NAV3: variants seen among roughly 807,000 people sequenced by gnomAD.
The protein encoded by NAV3 is pore membrane and/or filament interacting like protein 1.
A neutral mutation model predicts 244.7 loss-of-function variants in NAV3; 87 were observed. That is an observed-to-expected ratio of 0.36 (90% CI 0.30 to 0.42). NAV3 has a LOEUF of 0.42. NAV3 is among the 20% of genes least tolerant of loss of function. The pLI, the probability that NAV3 is intolerant of heterozygous loss-of-function variation, is 1.00. For missense variants in NAV3, 2,663 were observed against 2,893.3 expected (o/e 0.92, Z 1.83); for synonymous variants, 1,126 against 1,042.2 (o/e 1.08, Z -1.55).
At chr12:77,966,376 T>C (rs1892515163) in intron 4 of NAV3, 75 bp downstream of exon 4, 2 of 1,279,326 alleles carry the variant, frequency 1.6e-6, no homozygotes, top group Non-Finnish European at 1.1e-6. Flanking sequence ...GTAAGAAATG[T>C]AACATTGGAG....
chr12:77,594,956 T>C (rs1339122100), intron 2 of NAV3, among the ~76,000 whole-genome samples: 1 of 152,176 alleles, frequency 6.6e-6, no homozygotes, highest in African/African-American at 2.4e-5. Flanking sequence ...ACATTGTTGG[T>C]GCGCATATAA....
intron 2 of NAV3, among the ~76,000 whole-genome samples, chr12:77,676,824 C>T (rs1215796240): frequency 1.3e-5 from 2 of 151,928 alleles, no homozygotes; most frequent in Non-Finnish European, 2.9e-5. Context: ...GAAAAGGCCC[C>T]CTCCCCTCCA....
intron 11 of NAV3, among the ~76,000 whole-genome samples, chr12:78,057,182 A>C (rs1464552312): frequency 6.6e-6 from 1 of 152,220 alleles, no homozygotes; most frequent in Non-Finnish European, 1.5e-5. Context: ...GATAAAAGTT[A>C]CATATTTTAA....
chr12:77,959,760 G>C (rs989591462), intron 3 of NAV3, among the ~76,000 whole-genome samples: 1 of 150,986 alleles, frequency 6.6e-6, no homozygotes, highest in African/African-American at 2.4e-5. Context: ...ATGGACTATT[G>C]ATTTTTCTAA....
chr12:78,064,162 G>C (rs1275358030), intron 12 of NAV3, among the ~76,000 whole-genome samples: 1 of 152,032 alleles, frequency 6.6e-6, no homozygotes, highest in East Asian at 1.9e-4. Context: ...AGAGGAACTT[G>C]GGTTTTGTCT....
intron 2 of NAV3, among the ~76,000 whole-genome samples, chr12:77,653,311 T>G (rs1872914988): frequency 6.6e-6 from 1 of 152,206 alleles, no homozygotes; most frequent in Admixed American, 6.5e-5. Context: ...TAATTGAGTA[T>G]TTGTTGACTG....
chr12:77,700,035 T>G (rs1875493002), intron 2 of NAV3, among the ~76,000 whole-genome samples: 1 of 152,146 alleles, frequency 6.6e-6, no homozygotes, highest in Admixed American at 6.6e-5. Context: ...AACTGCCACA[T>G]TACTTGGATA....
At chr12:78,164,722 A>G (rs928956999) in intron 23 of NAV3, among the ~76,000 whole-genome samples, 1 of 152,066 alleles carries the variant, frequency 6.6e-6, no homozygotes, top group Admixed American at 6.6e-5. Context: ...CTTCAGATGC[A>G]TGGTGGAGTG....
intron 5 of NAV3, among the ~76,000 whole-genome samples, chr12:77,970,071 C>T (rs1892869809): frequency 6.6e-6 from 1 of 152,116 alleles, no homozygotes; most frequent in African/African-American, 2.4e-5. Context: ...AACTTTCATA[C>T]AAGCTACTAT....
At chr12:77,669,353 A>G (rs986809183) in intron 2 of NAV3, among the ~76,000 whole-genome samples, 3 of 152,164 alleles carry the variant, frequency 2.0e-5, no homozygotes, top group Non-Finnish European at 4.4e-5. Flanking sequence ...TCACATCTCC[A>G]TACTAACATT....
At chr12:78,189,742 G>T (rs1286959297) in intron 33 of NAV3, among the ~76,000 whole-genome samples, 1 of 151,790 alleles carries the variant, frequency 6.6e-6, no homozygotes, top group African/African-American at 2.4e-5. Context: ...AGTAGACAGT[G>T]GAGTGAAGCC....
chr12:78,028,411 T>C (rs1325703335), intron 9 of NAV3, among the ~76,000 whole-genome samples: 1 of 152,172 alleles, frequency 6.6e-6, no homozygotes, highest in Non-Finnish European at 1.5e-5. Flanking sequence ...TTTTCCAAGA[T>C]CATTGCCGAT....
chr12:78,078,580 A>G (rs1326351418), intron 12 of NAV3, among the ~76,000 whole-genome samples: 2 of 151,236 alleles, frequency 1.3e-5, no homozygotes, highest in Non-Finnish European at 2.9e-5. Flanking sequence ...TATTTTTAGT[A>G]GAGACGGGGT....
At chr12:77,945,836 C>T (rs1038651732) in intron 3 of NAV3, among the ~76,000 whole-genome samples, 2 of 151,860 alleles carry the variant, frequency 1.3e-5, no homozygotes, top group African/African-American at 4.8e-5. Flanking sequence ...CAACCTCCAC[C>T]TCCCGAGTTC....
At chr12:77,626,103 A>C (rs1002152748) in intron 2 of NAV3, among the ~76,000 whole-genome samples, 3 of 152,208 alleles carry the variant, frequency 2.0e-5, no homozygotes, top group Non-Finnish European at 4.4e-5. Context: ...AGATATCATA[A>C]AAAGAAGCAA....
chr12:78,125,144 T>C (rs1260126145), intron 16 of NAV3, among the ~76,000 whole-genome samples: 2 of 152,190 alleles, frequency 1.3e-5, no homozygotes, highest in East Asian at 3.8e-4. Flanking sequence ...GGTTAATTAA[T>C]TGATCAGTAG....
intron 2 of NAV3, among the ~76,000 whole-genome samples, chr12:77,659,126 A>C (rs1406739779): frequency 6.6e-6 from 1 of 151,776 alleles, no homozygotes; most frequent in Non-Finnish European, 1.5e-5. Flanking sequence ...AATTAAACTA[A>C]AGAGCTTCTG....
chr12:78,177,940 G>A (rs1281220564), intron 28 of NAV3, among the ~76,000 whole-genome samples: 2 of 151,644 alleles, frequency 1.3e-5, no homozygotes, highest in African/African-American at 2.4e-5. Flanking sequence ...TTATCCACCA[G>A]GGGTACTTTC....
intron 1 of NAV3, among the ~76,000 whole-genome samples, chr12:77,842,559 G>A (rs1875862476): frequency 6.6e-6 from 1 of 150,400 alleles, no homozygotes; most frequent in Non-Finnish European, 1.5e-5. Context: ...GGCATTGGCG[G>A]GATACTAGAT....
Sources: gnomAD v4.1 joint callset for allele counts (sites outside exome capture counted in the v4.1 genomes callset) on GRCh38, gnomAD v4.1.1 for gene constraint, MANE v1.5 for transcripts, NCBI Gene and HGNC (gene_info 2026-07-23, HGNC 2026-07-21) for gene names.